The following PLD5 variants were observed in gnomAD, a reference collection of about 807,000 sequenced individuals.
PLD5 encodes the protein phospholipase D family member 5.
In PLD5, 36 loss-of-function variants were observed where a neutral mutation model predicts 61.1. The observed-to-expected ratio is 0.59, with a 90% CI of 0.45 to 0.78. The LOEUF (loss-of-function observed/expected upper bound fraction) is 0.78. Among genes scored for constraint, PLD5 ranks in the 30% least tolerant of loss-of-function variants. PLD5 has a pLI of 0.00. For missense variants in PLD5, 515 were observed against 644.4 expected, an observed-to-expected ratio of 0.80 and a Z score of 2.17; for synonymous variants, 243 against 242.8, an observed-to-expected ratio of 1.00 and a Z score of -0.01.
chr1:242,205,602 T>G (rs1227803924), intron 5 of PLD5, among the ~76,000 whole-genome samples: 1 of 152,240 alleles, frequency 6.6e-6, no homozygotes, highest in East Asian at 1.9e-4. Flanking sequence ...CTAAGGAATA[T>G]TAATTATTCT....
intron 5 of PLD5, among the ~76,000 whole-genome samples, chr1:242,159,007 C>G (rs1040247436): frequency 6.6e-6 from 1 of 152,092 alleles, no homozygotes; most frequent in African/African-American, 2.4e-5. Flanking sequence ...CTATTAAAAT[C>G]TTTTAATATA....
intron 4 of PLD5, among the ~76,000 whole-genome samples, chr1:242,244,930 A>G (rs188162625): frequency 2.8e-4 from 42 of 152,370 alleles, no homozygotes; most frequent in Non-Finnish European, 4.4e-4. Flanking sequence ...TAGAACTCAG[A>G]GACCTAATTA....
At chr1:242,410,433 A>T (rs1294785154) in intron 1 of PLD5, among the ~76,000 whole-genome samples, 1 of 152,054 alleles carries the variant, frequency 6.6e-6, no homozygotes, top group Non-Finnish European at 1.5e-5. Flanking sequence ...CAATCTCTAG[A>T]GATACTGCTT....
chr1:242,108,177 T>G (rs1661212476), intron 7 of PLD5, among the ~76,000 whole-genome samples: 1 of 152,160 alleles, frequency 6.6e-6, no homozygotes, highest in African/African-American at 2.4e-5. Context: ...GAACTGATTA[T>G]CCAATCGAAT....
intron 2 of PLD5, among the ~76,000 whole-genome samples, chr1:242,315,252 TA>T (rs1676936636): frequency 6.6e-6 from 1 of 152,144 alleles, no homozygotes; most frequent in South Asian, 2.1e-4. Flanking sequence ...ATGATTCAAA[TA>T]AAAATAAAAA....
chr1:242,493,243 A>T (rs1322211829), intron 1 of PLD5, among the ~76,000 whole-genome samples: 1 of 152,204 alleles, frequency 6.6e-6, no homozygotes, highest in Admixed American at 6.5e-5. Flanking sequence ...AGTATTCCCA[A>T]AATGAGAGGA....
intron 4 of PLD5, among the ~76,000 whole-genome samples, chr1:242,229,426 C>A (rs1050348565): frequency 2.0e-5 from 3 of 152,166 alleles, no homozygotes; most frequent in African/African-American, 7.2e-5. Flanking sequence ...ACTTGTGAAT[C>A]TTCCACCCTA....
At position 242,306,394 on chromosome 1, in the gene PLD5, T is replaced by C. The variant is rs143620531; in HGVS notation, c.327-17864A>G. Among the ~76,000 whole-genome samples the C allele has an allele frequency of 4.2e-4, 64 of 152,116 alleles. No homozygotes were observed. In the East Asian group the frequency reaches 0.012, roughly 28 times the overall value. ...CTGTGATCCTGAACCTCCCCTTCCATGCTCCAGCCTACTAAGCTTATGATC... is the reference window on the plus strand; with the variant it reads ...CTGTGATCCTGAACCTCCCCTTCCACGCTCCAGCCTACTAAGCTTATGATC... On this transcript the variant is annotated intron_variant, in intron 2 of 9. Transcript: ENST00000536534.
intron 5 of PLD5, among the ~76,000 whole-genome samples, chr1:242,125,857 G>A (rs1055383151): frequency 6.6e-6 from 1 of 152,094 alleles, no homozygotes; most frequent in African/African-American, 2.4e-5. Context: ...ATGTTCCTCT[G>A]TACAGATCTG....
At chr1:242,110,171 A>C (rs532902584) in intron 7 of PLD5, among the ~76,000 whole-genome samples, 24 of 151,676 alleles carry the variant, frequency 1.6e-4, no homozygotes, top group Non-Finnish European at 2.9e-4. Flanking sequence ...AGTTTCAAAT[A>C]GTGTATCATT....
intron 1 of PLD5, among the ~76,000 whole-genome samples, chr1:242,349,190 T>A (rs1395196007): frequency 2.0e-5 from 3 of 152,170 alleles, no homozygotes; most frequent in African/African-American, 4.8e-5. Flanking sequence ...GGCAATTGGT[T>A]GAAAGAGTTA....
At chr1:242,436,102 C>A (rs1396217462) in intron 1 of PLD5, among the ~76,000 whole-genome samples, 1 of 152,074 alleles carries the variant, frequency 6.6e-6, no homozygotes, top group Non-Finnish European at 1.5e-5. Flanking sequence ...GAAACCCCAC[C>A]CCCTCTTTCT....
intron 1 of PLD5, among the ~76,000 whole-genome samples, chr1:242,360,167 G>C (rs565091415): frequency 6.6e-6 from 1 of 152,200 alleles, no homozygotes; most frequent in African/African-American, 2.4e-5. Flanking sequence ...GTTTTCAAGA[G>C]ATGTTGCTGC....
intron 1 of PLD5, among the ~76,000 whole-genome samples, chr1:242,502,056 C>G (rs1205052441): frequency 6.6e-6 from 1 of 152,082 alleles, no homozygotes; most frequent in South Asian, 2.1e-4. Context: ...ATCTTATCTA[C>G]TCTTAGGACT....
At chr1:242,284,604 C>T (rs1674916837) in intron 3 of PLD5, among the ~76,000 whole-genome samples, 1 of 152,220 alleles carries the variant, frequency 6.6e-6, no homozygotes, top group Non-Finnish European at 1.5e-5. Context: ...CATGCTTGCT[C>T]TTTAAGACCA....
chr1:242,350,791 C>T (rs1357955248), intron 1 of PLD5, among the ~76,000 whole-genome samples: 1 of 152,134 alleles, frequency 6.6e-6, no homozygotes, highest in South Asian at 2.1e-4. Flanking sequence ...ATTATATTTT[C>T]TTACTCCTCC....
chr1:242,476,993 T>C (rs1412013968), intron 1 of PLD5, among the ~76,000 whole-genome samples: 4 of 152,204 alleles, frequency 2.6e-5, no homozygotes, highest in African/African-American at 9.6e-5. Flanking sequence ...CTCACGCCTA[T>C]AATCCCAATA....
intron 3 of PLD5, among the ~76,000 whole-genome samples, chr1:242,282,195 T>C (rs1330224609): frequency 1.3e-5 from 2 of 152,214 alleles, no homozygotes; most frequent in Non-Finnish European, 1.5e-5. Context: ...TCACAGGTAT[T>C]AACTGATTTA....
intron 5 of PLD5, among the ~76,000 whole-genome samples, chr1:242,143,189 G>A (rs901196859): frequency 3.3e-5 from 5 of 151,978 alleles, no homozygotes; most frequent in Non-Finnish European, 7.4e-5. Context: ...CACGACGCCA[G>A]CTATGTTTTT....
Sources: allele counts gnomAD v4.1 joint callset (sites outside exome capture counted in the v4.1 genomes callset), GRCh38; gene constraint gnomAD v4.1.1; transcripts MANE v1.5; gene names NCBI Gene and HGNC (gene_info 2026-07-23, HGNC 2026-07-21).